CNBD1: variants seen among roughly 807,000 people sequenced by gnomAD.
CNBD1 encodes cyclic nucleotide binding domain containing 1.
In CNBD1, 71 loss-of-function variants were observed where a neutral mutation model predicts 54.4. The ratio of observed to expected loss-of-function variants is 1.30; its 90% CI spans 1.08 to 1.59. The LOEUF is 1.59. CNBD1 is among the 40% of genes most tolerant of loss of function. The pLI, the probability that CNBD1 is intolerant of heterozygous loss-of-function variation, is 0.00. For missense variants in CNBD1, 659 were observed against 518.0 expected (o/e 1.27, Z -2.64); for synonymous variants, 182 against 170.7 (o/e 1.07, Z -0.51).
At chr8:86,946,784 A>G (rs1005076173) in intron 4 of CNBD1, among the ~76,000 whole-genome samples, 11 of 152,168 alleles carry the variant, frequency 7.2e-5, no homozygotes, top group African/African-American at 2.7e-4. Flanking sequence ...ACAAAAATCC[A>G]TGATTTCATT....
chr8:87,152,279 G>A (rs1812620647), intron 4 of CNBD1, among the ~76,000 whole-genome samples: 1 of 151,942 alleles, frequency 6.6e-6, no homozygotes, highest in African/African-American at 2.4e-5. Context: ...AAAGAGAAAG[G>A]CTAAGGAGAC....
chr8:87,416,478 G>T (rs1363418665), intron 2 of CNBD1, among the ~76,000 whole-genome samples: 1 of 152,026 alleles, frequency 6.6e-6, no homozygotes, highest in Non-Finnish European at 1.5e-5. Context: ...CTCTGGGGAA[G>T]CCTTGAAAAA....
intron 4 of CNBD1, among the ~76,000 whole-genome samples, chr8:87,141,395 A>AT (rs571831990): frequency 5.5e-4 from 83 of 152,232 alleles, no homozygotes; most frequent in Non-Finnish European, 1.1e-3. Context: ...TACACTGTCA[A>AT]TATATATGTT....
intron 4 of CNBD1, among the ~76,000 whole-genome samples, chr8:87,045,724 CAAAAA>C (rs58973406): frequency 2.0e-5 from 1 of 51,082 alleles, no homozygotes; most frequent in Admixed American, 2.3e-4. Context: ...GACTCCGTCT[CAAAAA>C]AAAAAAAAAA....
At chr8:87,290,309 C>G (rs1016281024) in intron 8 of CNBD1, among the ~76,000 whole-genome samples, 10 of 152,042 alleles carry the variant, frequency 6.6e-5, no homozygotes, top group East Asian at 1.9e-4. Context: ...TTTACCATTT[C>G]TAGTCATTTT....
intron 8 of CNBD1, among the ~76,000 whole-genome samples, chr8:87,303,702 C>G (rs961177072): frequency 6.7e-6 from 1 of 149,248 alleles, no homozygotes; most frequent in Non-Finnish European, 1.5e-5. Context: ...AACAGGCAAC[C>G]TACAGAATGG....
At chr8:86,915,036 A>C (rs1290207264) in intron 3 of CNBD1, among the ~76,000 whole-genome samples, 1 of 152,172 alleles carries the variant, frequency 6.6e-6, no homozygotes, top group African/African-American at 2.4e-5. Flanking sequence ...AGGGAACCAC[A>C]GTTGTATTAT....
chr8:87,161,673 T>C (rs1217307508), intron 4 of CNBD1, among the ~76,000 whole-genome samples: 1 of 152,136 alleles, frequency 6.6e-6, no homozygotes, highest in Non-Finnish European at 1.5e-5. Context: ...AAGAATTCTC[T>C]GAAGATTTTA....
At chr8:86,998,522 C>T (rs1808928171) in intron 4 of CNBD1, among the ~76,000 whole-genome samples, 1 of 152,068 alleles carries the variant, frequency 6.6e-6, no homozygotes, top group South Asian at 2.1e-4. Flanking sequence ...CAGCTGGGGT[C>T]CTGTGCATTG....
chr8:87,356,516 A>G (rs1045782348), intron 10 of CNBD1, among the ~76,000 whole-genome samples: 25 of 152,200 alleles, frequency 1.6e-4, no homozygotes, highest in Admixed American at 1.3e-3. Flanking sequence ...TAAACTTAAG[A>G]GTGGTGACCT....
At chr8:87,196,859 G>C (rs551151898) in intron 4 of CNBD1, among the ~76,000 whole-genome samples, 1 of 152,134 alleles carries the variant, frequency 6.6e-6, no homozygotes, top group African/African-American at 2.4e-5. Context: ...GCTTTTGGCC[G>C]TCAGCTGGAA....
intron 4 of CNBD1, among the ~76,000 whole-genome samples, chr8:86,947,466 T>G (rs1319751428): frequency 6.6e-6 from 1 of 152,144 alleles, no homozygotes; most frequent in African/African-American, 2.4e-5. Context: ...ATGTTCTTTC[T>G]TCTTCATTAG....
intron 4 of CNBD1, among the ~76,000 whole-genome samples, chr8:87,013,828 A>G (rs911930746): frequency 6.6e-6 from 1 of 151,882 alleles, no homozygotes; most frequent in Non-Finnish European, 1.5e-5. Context: ...TGGCACACCG[A>G]ACTTTTTCTC....
At chr8:87,414,935 G>A (rs1391384828) in intron 2 of CNBD1, among the ~76,000 whole-genome samples, 2 of 151,978 alleles carry the variant, frequency 1.3e-5, no homozygotes, top group Non-Finnish European at 2.9e-5. Flanking sequence ...GTCTGACCTG[G>A]AACTGTTATT....
At chr8:87,224,652 A>T (rs947479435) in intron 5 of CNBD1, among the ~76,000 whole-genome samples, 7 of 151,748 alleles carry the variant, frequency 4.6e-5, no homozygotes, top group Non-Finnish European at 7.4e-5. Context: ...GTAGCCTTGT[A>T]GTATAGTTTG....
At chr8:86,932,212 G>C (rs1301795961) in intron 3 of CNBD1, among the ~76,000 whole-genome samples, 1 of 152,182 alleles carries the variant, frequency 6.6e-6, no homozygotes, top group Admixed American at 6.5e-5. Context: ...CCTAGACCCT[G>C]TAGGACATCT....
intron 4 of CNBD1, among the ~76,000 whole-genome samples, chr8:87,027,860 A>G (rs1007360725): frequency 6.6e-6 from 1 of 152,200 alleles, no homozygotes; most frequent in Non-Finnish European, 1.5e-5. Flanking sequence ...ACACAATCCA[A>G]CTGCTGCAGC....
chr8:87,300,055 TG>T (rs1808954254), intron 8 of CNBD1, among the ~76,000 whole-genome samples: 2 of 152,298 alleles, frequency 1.3e-5, no homozygotes, highest in South Asian at 4.2e-4. Flanking sequence ...ATTGGACACT[TG>T]GCTTAACCTG....
At chr8:87,088,120 A>G (rs1380825806) in intron 4 of CNBD1, among the ~76,000 whole-genome samples, 1 of 152,070 alleles carries the variant, frequency 6.6e-6, no homozygotes, top group Non-Finnish European at 1.5e-5. Context: ...GTGTCTGCTT[A>G]TGAATGTAAC....
Sources: gnomAD v4.1 joint callset for allele counts (sites outside exome capture counted in the v4.1 genomes callset) on GRCh38, gnomAD v4.1.1 for gene constraint, MANE v1.5 for transcripts, NCBI Gene and HGNC (gene_info 2026-07-23, HGNC 2026-07-21) for gene names.